The following RTTN variants were observed in gnomAD, a reference collection of about 807,000 sequenced individuals.
RTTN encodes rotatin.
A neutral mutation model predicts 269.2 loss-of-function variants in RTTN; 182 were observed. The ratio of observed to expected loss-of-function variants is 0.68; its 90% confidence interval spans 0.60 to 0.76. RTTN has a LOEUF of 0.76. Ranked by LOEUF, RTTN falls within the 30% of genes least tolerant of loss-of-function variation. The pLI, the probability that RTTN is intolerant of heterozygous loss-of-function variation, is 0.00. For missense variants in RTTN, 2,545 were observed against 2,608.6 expected, an observed-to-expected ratio of 0.98 and a Z score of 0.53; for synonymous variants, 1,006 against 963.5, an observed-to-expected ratio of 1.04 and a Z score of -0.82.
chr18:70,198,505 T>C (rs1284576859), intron 5 of RTTN, among the ~76,000 whole-genome samples: 3 of 152,322 alleles, frequency 2.0e-5, no homozygotes, highest in Admixed American at 2.0e-4. Context: ...AATCTGGACT[T>C]AGCCCTAGTA....
chr18:70,121,731 T>G (rs576609060), intron 25 of RTTN, 31 bp from the exon 26 acceptor site: 1 of 1,513,642 alleles, frequency 6.6e-7, no homozygotes, highest in South Asian at 1.3e-5. Flanking sequence ...TCATGGTTTC[T>G]GGCGCTTTAA....
At chr18:70,080,571 TAAGC>T (rs2058538431) in intron 32 of RTTN, among the ~76,000 whole-genome samples, 2 of 152,192 alleles carry the variant, frequency 1.3e-5, no homozygotes, top group East Asian at 1.9e-4. Flanking sequence ...AATCACTAAA[TAAGC>T]AAGGAAGAAT....
chr18:70,114,357 G>T, intron 27 of RTTN, 88 bp downstream of exon 27: 2 of 1,184,180 alleles, frequency 1.7e-6, no homozygotes, highest in East Asian at 2.4e-5. Context: ...TTCTTAATTT[G>T]AAAGAAGTAC....
At chr18:70,135,396 G>A (rs1160875317) in intron 21 of RTTN, 116 bp from the exon 22 acceptor site, 3 of 606,306 alleles carry the variant, frequency 4.9e-6, no homozygotes, top group African/African-American at 4.0e-5. Context: ...CCCAGATAAG[G>A]TGACACTAAA....
chr18:70,023,835 T>C (rs1016866132), intron 44 of RTTN, among the ~76,000 whole-genome samples: 1 of 152,136 alleles, frequency 6.6e-6, no homozygotes, highest in South Asian at 2.1e-4. Context: ...CAGGCTGGAG[T>C]ATAGTGGCGT....
At chr18:70,022,437 T>C (rs562077690) in intron 44 of RTTN, among the ~76,000 whole-genome samples, 1 of 152,250 alleles carries the variant, frequency 6.6e-6, no homozygotes, top group South Asian at 2.1e-4. Flanking sequence ...CTGCACCTCA[T>C]TCTCCCAATC....
chr18:70,112,473 A>G (rs1242314371), intron 27 of RTTN, among the ~76,000 whole-genome samples: 1 of 97,110 alleles, frequency 1.0e-5, no homozygotes, highest in Non-Finnish European at 2.2e-5. Flanking sequence ...TTTATCAAGC[A>G]AATGGAAAGC....
chr18:70,176,559 G>T, intron 11 of RTTN, 116 bp downstream of exon 11: 1 of 871,000 alleles, frequency 1.1e-6, no homozygotes, highest in Non-Finnish European at 1.6e-6. Context: ...CACTTATTTT[G>T]AAAATGGCCT....
At chr18:70,121,208 T>A (rs2145559994) in intron 26 of RTTN, among the ~76,000 whole-genome samples, 1 of 152,272 alleles carries the variant, frequency 6.6e-6, no homozygotes, top group South Asian at 2.1e-4. Flanking sequence ...CCTGCCTCCA[T>A]CTGGCTTTGT....
intron 28 of RTTN, among the ~76,000 whole-genome samples, chr18:70,103,079 G>A (rs901072635): frequency 8.7e-5 from 13 of 148,796 alleles, no homozygotes; most frequent in Admixed American, 4.0e-4. Flanking sequence ...GCCTCTGCCC[G>A]GCTGCCCCGT....
At chr18:70,047,898 A>T (rs1000729420) in intron 40 of RTTN, 73 bp downstream of exon 40, 3 of 1,183,102 alleles carry the variant, frequency 2.5e-6, no homozygotes, top group Admixed American at 3.8e-5. Flanking sequence ...GACAGTTTTT[A>T]ACAAGACCAT....
chr18:70,044,528 A>C (rs2057437836), intron 40 of RTTN, among the ~76,000 whole-genome samples: 1 of 152,102 alleles, frequency 6.6e-6, no homozygotes, highest in Admixed American at 6.5e-5. Context: ...ATAGTACCCA[A>C]CTCCATATAT....
At position 70,168,128 on chromosome 18, in the gene RTTN, T is replaced by A. The variant is rs922014234; in HGVS notation, c.1689+727A>T. On this transcript the variant is annotated intron_variant, in intron 12 of 48. Coordinates refer to ENST00000640769, the MANE Select transcript of RTTN (RefSeq NM_173630.4). ...AGAAGGCTGTCAAAAAAAAAAAAAA[T>A]TCAAAGAAAATAAATAGGTTCAGAT... Among the ~76,000 whole-genome samples the A allele has an allele frequency of 2.3e-4, 24 of 106,348 alleles. No individual in the cohort carries two copies. The East Asian group carries it at 5.0e-3, about 22-fold the overall frequency. 69.8% of individuals were successfully genotyped at this position (106,348 alleles called of 152,430 possible).
intron 23 of RTTN, chr18:70,130,236 A>G (rs1484968214): frequency 6.6e-6 from 1 of 152,050 alleles, no homozygotes; most frequent in African/African-American, 2.4e-5. Context: ...TCAAAAAACT[A>G]AAAACAGAAC....
rs746545585 is a variant in RTTN, at chr18:70,114,590, G to A, written c.3538C>T (p.Pro1180Ser). Reference protein sequence around the residue: ...LELLLRHSANPLLDLLVLTES... With the variant: ...LELLLRHSANSLLDLLVLTES... ...GTCAGAACCAAGAGGTCTAACAGTGGGTTTGCACTCTAAAAAATGAAATTT... is the reference window on the plus strand; with the variant it reads ...GTCAGAACCAAGAGGTCTAACAGTGAGTTTGCACTCTAAAAAATGAAATTT... The change falls in exon 27 of 49, where the codon CCA (proline) becomes TCA (serine). Residue 1180 changes from proline (P) to serine (S), a missense_variant. Physicochemically the swap from Pro to Ser is moderately conservative, Grantham distance 74 (BLOSUM62 -1). Transcript: ENST00000640769. 6 of 1,607,594 alleles carry A rather than the reference G, an allele frequency of 3.7e-6. No individual in the cohort carries two copies. In the South Asian group the frequency reaches 5.6e-5, roughly 15 times the overall value.
At chr18:70,059,729 G>A (rs764752713) in intron 36 of RTTN, 121 bp downstream of exon 36, 3 of 603,984 alleles carry the variant, frequency 5.0e-6, no homozygotes, top group Non-Finnish European at 7.6e-6. Context: ...AGAGTTCAAT[G>A]AGCCTAAAAA....
chr18:70,202,995 C>T (rs1368837827), intron 3 of RTTN, among the ~76,000 whole-genome samples: 4 of 149,672 alleles, frequency 2.7e-5, no homozygotes, highest in African/African-American at 4.9e-5. Flanking sequence ...ACTTTTACTA[C>T]TCAGTCACAT....
intron 26 of RTTN, among the ~76,000 whole-genome samples, chr18:70,119,164 A>C (rs895107369): frequency 3.3e-5 from 5 of 152,020 alleles, no homozygotes; most frequent in South Asian, 2.1e-4. Flanking sequence ...CTGATGATAT[A>C]ATCTTAAATC....
intron 32 of RTTN, among the ~76,000 whole-genome samples, chr18:70,078,122 T>C (rs144340481): frequency 6.6e-6 from 1 of 151,498 alleles, no homozygotes; most frequent in Non-Finnish European, 1.5e-5. Context: ...AGGTACATAA[T>C]AAAAAAATTC....
Sources: allele counts gnomAD v4.1 joint callset (sites outside exome capture counted in the v4.1 genomes callset), GRCh38; gene constraint gnomAD v4.1.1; transcripts MANE v1.5; gene names NCBI Gene and HGNC (gene_info 2026-07-23, HGNC 2026-07-21).